Variants in SLC18A2 observed in about 807,000 individuals in gnomAD.
SLC18A2 encodes solute carrier family 18 member A2, also known as synaptic vesicular amine transporter.
Under a neutral mutation model 59.2 loss-of-function variants are expected in SLC18A2, and 33 were observed. The observed-to-expected ratio is 0.56, with a 90% confidence interval of 0.42 to 0.75. SLC18A2 has a LOEUF of 0.75. Among genes scored for constraint, SLC18A2 ranks in the 30% least tolerant of loss-of-function variants. The pLI, the probability that SLC18A2 is intolerant of heterozygous loss-of-function variation, is 0.00. For synonymous variants in SLC18A2, 228 were observed against 253.5 expected, an observed-to-expected ratio of 0.90 and a Z score of 0.95; for missense variants, 569 against 668.6, an observed-to-expected ratio of 0.85 and a Z score of 1.64.
rs1490551344 is a variant in SLC18A2, at chr10:117,279,260, C to T, written c.*1994C>T. On this transcript the variant is annotated 3_prime_UTR_variant, in exon 16 of 16. Coordinates refer to ENST00000644641, the MANE Select transcript of SLC18A2 (RefSeq NM_003054.6). ...AAAATGTACATACCAGAACAAAGAA[C>T]ATACAGCTCTCTGAACATTTATTTT... The T allele has an allele frequency of 6.6e-6, 1 of 152,086 alleles. No individual in the cohort carries two copies. The highest frequency in any genetic ancestry group is 1.5e-5 in the Non-Finnish European group (1 of 68,024). 9.4% of individuals were successfully genotyped at this position (152,086 alleles called of 1,614,324 possible).
At chr10:117,258,367 T>A (rs1844253776) in intron 10 of SLC18A2, among the ~76,000 whole-genome samples, 1 of 152,238 alleles carries the variant, frequency 6.6e-6, no homozygotes, top group Non-Finnish European at 1.5e-5. Context: ...GCCCATCTCC[T>A]GTGATATTCA....
chr10:117,241,385 C>A (rs964458739), intron 1 of SLC18A2, among the ~76,000 whole-genome samples, 165 bp downstream of exon 1: 2 of 149,966 alleles, frequency 1.3e-5, no homozygotes, highest in Non-Finnish European at 3.0e-5. Flanking sequence ...CGGGGCCGAG[C>A]GTGCAGTTTG....
At chr10:117,245,426 C>T (rs1023698146) in intron 3 of SLC18A2, among the ~76,000 whole-genome samples, 2 of 152,092 alleles carry the variant, frequency 1.3e-5, no homozygotes, top group Non-Finnish European at 2.9e-5. Flanking sequence ...GAGTGGGATT[C>T]TGTGTGGGGC....
At chr10:117,256,904 G>A (rs1433274691) in intron 9 of SLC18A2, among the ~76,000 whole-genome samples, 2 of 152,168 alleles carry the variant, frequency 1.3e-5, no homozygotes, top group Non-Finnish European at 2.9e-5. Flanking sequence ...TCACTGCCTA[G>A]TACCTGCTCA....
At chr10:117,241,247 C>T (rs1248692635) in intron 1 of SLC18A2, 27 bp downstream of exon 1, 2 of 155,286 alleles carry the variant, frequency 1.3e-5, no homozygotes, top group East Asian at 3.9e-4. Context: ...TCCCTGCTCG[C>T]AGGGCGCGGT....
In SLC18A2 at chr10:117,270,192, TA is replaced by T. The variant is rs751879547; in HGVS notation, c.1306+4del. The T allele has an allele frequency of 6.2e-7, 1 of 1,614,210 alleles. No individual in the cohort carries two copies. The highest frequency in any genetic ancestry group is 8.5e-7 in the Non-Finnish European group (1 of 1,180,034). On this transcript the variant is annotated splice_donor_region_variant and intron_variant, in intron 14 of 15. Transcript: ENST00000644641. ...CATTTTGTATGGGGTATGCTATAGG[TA>T]AGGACATTGGCTTTTCATAAGAACC... is the stretch of plus-strand genomic sequence containing the variant.
rs1171338161 is a variant in SLC18A2 at position 117,266,972 on chromosome 10, T to A, written c.1071-12T>A. 6.2e-7 allele frequency: 1 copy of A among 1,612,164 alleles called. No homozygotes were observed. The highest frequency in any genetic ancestry group is 1.1e-5 in the South Asian group (1 of 90,162). On this transcript the variant is annotated splice_polypyrimidine_tract_variant and intron_variant, in intron 11 of 15. Transcript: ENST00000644641. Reference sequence around the variant, plus strand: ...AATGATCATTTCTTGATGGTGCTTTTTCTTTTGGTAGGTGGCTTTGTGCTC... The same window carrying A: ...AATGATCATTTCTTGATGGTGCTTTATCTTTTGGTAGGTGGCTTTGTGCTC...
In SLC18A2 at chr10:117,269,791, G is replaced by A. The variant is rs1380802539; in HGVS notation, c.1187-280G>A. Among the ~76,000 whole-genome samples the A allele has an allele frequency of 6.6e-6, 1 of 152,202 alleles. No individual in the cohort carries two copies. Among genetic ancestry groups the A allele is most frequent in the African/African-American group, 2.4e-5 (1 of 41,444 alleles). On this transcript the variant is annotated intron_variant, in intron 13 of 15. Coordinates refer to ENST00000644641, the MANE Select transcript of SLC18A2 (RefSeq NM_003054.6). The surrounding 1 kb of genome is among the most constrained non-coding windows in gnomAD (Gnocchi z 5.1). ...ATATGGGTGAACAAAACCAACAGAA[G>A]AGTTGGGCATTTAGCAAAGAATTGA...
chr10:117,247,460 T>TTGTTCTTCCCCGCTTCC lies in SLC18A2; in HGVS notation c.464+3158_464+3174dup, dbSNP rs1844120433. 2.6e-5 allele frequency among the ~76,000 whole-genome samples: 4 copies of TTGTTCTTCCCCGCTTCC among 152,310 alleles called. No homozygotes were observed. In the East Asian group the frequency reaches 7.7e-4, roughly 29 times the overall value. The stretch of plus-strand genomic sequence containing the variant: ...TGTTCCGACTGTCCCATTTCAAGCT[T>TTGTTCTTCCCCGCTTCC]TGTTCTTCCCCGCTTCCTGTTCTTC... On this transcript the variant is annotated intron_variant, in intron 3 of 15. Coordinates refer to ENST00000644641, the MANE Select transcript of SLC18A2 (RefSeq NM_003054.6).
At chr10:117,242,823 C>G (rs1844070697) in intron 2 of SLC18A2, among the ~76,000 whole-genome samples, 1 of 152,218 alleles carries the variant, frequency 6.6e-6, no homozygotes, top group Non-Finnish European at 1.5e-5. Flanking sequence ...ACCTCCACCT[C>G]CCGGGTTCAA....
At chr10:117,264,714 C>G (rs363256) in intron 10 of SLC18A2, among the ~76,000 whole-genome samples, 19,121 of 152,080 alleles carry the variant, frequency 0.13, 1,499 homozygotes, top group East Asian at 0.39. Context: ...TTGCAATTTG[C>G]TTGTTTTATT....
intron 12 of SLC18A2, chr10:117,267,341 G>C (rs554176418): frequency 2.3e-6 from 1 of 442,380 alleles, no homozygotes; most frequent in East Asian, 3.7e-5. Context: ...ATAGCAAGAT[G>C]TTTTTCTAGA....
chr10:117,271,034 G>A (rs1230213115), intron 15 of SLC18A2, among the ~76,000 whole-genome samples: 1 of 152,172 alleles, frequency 6.6e-6, no homozygotes, highest in Non-Finnish European at 1.5e-5. Context: ...AGAGTATAAA[G>A]CATCCCTCTT....
chr10:117,270,506 T>C, intron 15 of SLC18A2, 43 bp downstream of exon 15: 1 of 1,605,380 alleles, frequency 6.2e-7, no homozygotes, highest in Non-Finnish European at 8.5e-7. Context: ...TTGATAATTT[T>C]AGCATGGCCT....
At chr10:117,270,587 GTACCACATAGAGCAGT>G in intron 15 of SLC18A2, 124 bp downstream of exon 15, 3 of 1,058,416 alleles carry the variant, frequency 2.8e-6, no homozygotes, top group Non-Finnish European at 4.1e-6. Context: ...TTTTTAGTTT[GTACCACATAGAGCAGT>G]TACTTCTTTT....
In SLC18A2 at chr10:117,241,698, C is replaced by T. The variant is rs554627946; in HGVS notation, c.5C>T (p.Ala2Val). 4.4e-6 allele frequency: 7 copies of T among 1,593,206 alleles called. No homozygotes were observed. The East Asian group carries it at 1.1e-4, about 26-fold the overall frequency. Residue 2 changes from alanine to valine, a missense_variant, in exon 2 of 16, where the codon GCC (alanine) becomes GTC (valine). Ala to Val is a moderately conservative substitution (Grantham distance 64). Transcript: ENST00000644641. ...CCGCAGCGGAGCCCCGGAGCCATGGCCCTGAGCGAGCTGGCGCTGGTCCGC... is the reference window on the plus strand; with the variant it reads ...CCGCAGCGGAGCCCCGGAGCCATGGTCCTGAGCGAGCTGGCGCTGGTCCGC... Reference protein sequence around the residue: MALSELALVRWL... With the variant: MVLSELALVRWL...
chr10:117,276,847 G>A (rs192835557), intron 15 of SLC18A2, among the ~76,000 whole-genome samples: 21 of 152,196 alleles, frequency 1.4e-4, no homozygotes, highest in Admixed American at 1.4e-3. Context: ...CCAATTCCAA[G>A]ATTCTAAGTA....
intron 3 of SLC18A2, among the ~76,000 whole-genome samples, chr10:117,245,822 C>T (rs894721609): frequency 6.6e-6 from 1 of 151,968 alleles, no homozygotes; most frequent in Non-Finnish European, 1.5e-5. Flanking sequence ...GAGCTTGAGT[C>T]GGACAGGAGC....
At chr10:117,251,641 G>A (rs572660255) in intron 3 of SLC18A2, among the ~76,000 whole-genome samples, 1 of 152,282 alleles carries the variant, frequency 6.6e-6, no homozygotes. Context: ...TTTGGTTTCT[G>A]GATACAGGTG....
Sources: gnomAD v4.1 joint callset for allele counts (sites outside exome capture counted in the v4.1 genomes callset) on GRCh38, gnomAD v4.1.1 for gene constraint, Gnocchi (gnomAD v3.1) non-coding constraint, MANE v1.5 for transcripts, NCBI Gene and HGNC (gene_info 2026-07-23, HGNC 2026-07-21) for gene names.